Variants in PLA2G4B observed in about 807,000 individuals in gnomAD.
PLA2G4B encodes the protein phospholipase A2 group IVB.
In PLA2G4B, 122 loss-of-function variants were observed where a neutral mutation model predicts 95.8. The observed-to-expected ratio is 1.27, with a 90% confidence interval of 1.10 to 1.48. The LOEUF is 1.48. PLA2G4B is among the 40% of genes most tolerant of loss of function. PLA2G4B has a pLI of 0.00. For missense variants in PLA2G4B, 1,158 were observed against 996.2 expected (o/e 1.16, Z -2.19); for synonymous variants, 518 against 421.5 (o/e 1.23, Z -2.80).
intron 8 of PLA2G4B, 39 bp downstream of exon 8, chr15:41,841,988 C>G: frequency 6.3e-7 from 1 of 1,593,092 alleles, no homozygotes; most frequent in Non-Finnish European, 8.5e-7. Context: ...GCCCCCAGAA[C>G]TTCCTCCCTC....
Position 41,847,822 on chromosome 15 carries a change from C to T in PLA2G4B, c.2308C>T (p.Gln770Ter), listed in dbSNP as rs745555840. The stretch of plus-strand genomic sequence containing the variant: ...GGAGCAGCTGCTGGAGGCTCTGCGC[C>T]AGGCAGTGCAGCGGAGGCGGCAGCG... ...NQEQLLEALR[Q>*]AVQRRRQRRP... The change falls in exon 20 of 20, where the codon CAG becomes TAG. Residue 770 changes from glutamine (Q) to a stop codon, truncating the protein, a stop_gained. Coordinates refer to ENST00000458483, the MANE Select transcript of PLA2G4B (RefSeq NM_001114633.2). LOFTEE classifies it high-confidence loss of function. 1.6e-5 allele frequency: 26 copies of T among 1,613,186 alleles called. No homozygotes were observed. The South Asian group carries it at 2.2e-4, about 14-fold the overall frequency.
chr15:41,841,413 C>T, intron 6 of PLA2G4B, 104 bp from the exon 7 acceptor site: 1 of 1,607,854 alleles, frequency 6.2e-7, no homozygotes, highest in Non-Finnish European at 8.5e-7. Context: ...ATCTCAAGGG[C>T]CCAGGTAATG....
rs150295252 is a variant in PLA2G4B at position 41,841,867 on chromosome 15, C to T, written c.539C>T (p.Pro180Leu). ...GTGGTTCCTGGGTCCTGTGAGGGTC[C>T]GCAGGAGGCCTCTGTGGGCACTGGC... is the stretch of plus-strand genomic sequence containing the variant. ...QLVVPGSCEG[P>L]QEASVGTGTF... The change falls in exon 8 of 20, where the codon CCG becomes CTG. Residue 180 changes from proline to leucine, a missense_variant. Pro to Leu is a moderately conservative substitution (Grantham distance 98). Transcript: ENST00000458483. The T allele has an allele frequency of 4.5e-5, 72 of 1,613,414 alleles. No individual in the cohort carries two copies. The highest frequency in any genetic ancestry group is 1.3e-4 in the East Asian group (6 of 44,854).
intron 16 of PLA2G4B, 58 bp downstream of exon 16, chr15:41,846,105 AG>A: frequency 2.5e-6 from 4 of 1,573,292 alleles, no homozygotes; most frequent in Non-Finnish European, 3.5e-6. Context: ...GGGCTGCACC[AG>A]GGGGCGGGGG....
At chr15:41,846,132 C>T (rs771997315) in intron 16 of PLA2G4B, 71 bp from the exon 17 acceptor site, 1 of 1,584,780 alleles carries the variant, frequency 6.3e-7, no homozygotes, top group Non-Finnish European at 8.6e-7. Flanking sequence ...CACCTCTTCC[C>T]CCTCCAGGGT....
chr15:41,840,404 C>A lies in PLA2G4B; in HGVS notation c.83-120C>A, dbSNP rs1302107403. ...GTGGCAGCTGGGGCTCTGCCTCTGG[C>A]CCCCACTTCCCCTCCCCCTCAGTCT... On this transcript the variant is annotated intron_variant, in intron 2 of 19. Coordinates refer to ENST00000458483, the MANE Select transcript of PLA2G4B (RefSeq NM_001114633.2). 4.4e-6 allele frequency: 7 copies of A among 1,586,260 alleles called. No homozygotes were observed. The East Asian group carries it at 1.1e-4, about 25-fold the overall frequency.
chr15:41,842,106 C>G (rs1567169963), intron 8 of PLA2G4B, 87 bp from the exon 9 acceptor site: 3 of 1,588,798 alleles, frequency 1.9e-6, no homozygotes, highest in East Asian at 2.2e-5. Flanking sequence ...TCCCATAACT[C>G]TATGGCTGCC....
chr15:41,844,856 C>A lies in PLA2G4B; in HGVS notation c.1025C>A (p.Ala342Asp). 6.2e-7 allele frequency: 1 copy of A among 1,603,818 alleles called. No individual in the cohort carries two copies. The highest frequency in any genetic ancestry group is 8.5e-7 in the Non-Finnish European group (1 of 1,175,662). Residue 342 changes from alanine to aspartate, a missense_variant, in exon 13 of 20, where the codon GCC becomes GAC. Coordinates refer to ENST00000458483, the MANE Select transcript of PLA2G4B (RefSeq NM_001114633.2). ...TGASGSTWALANLYEDPEWSQ... is the reference protein window; with the variant it reads ...TGASGSTWALDNLYEDPEWSQ... ...GCTTTGGCTTTTCCCAGGGCCTTGG[C>A]CAACCTTTATGAGGACCCAGAGTGG...
At chr15:41,843,098 T>TTTTTTG (rs1374592804) in intron 10 of PLA2G4B, 1 of 132,582 alleles carries the variant, frequency 7.5e-6, no homozygotes, top group African/African-American at 2.6e-5. Context: ...TTTTTTTTTT[T>TTTTTTG]GAGATGGAGT....
chr15:41,842,474 G>A (rs372026016), intron 9 of PLA2G4B, 80 bp from the exon 10 acceptor site: 224 of 1,572,156 alleles, frequency 1.4e-4, no homozygotes, highest in Non-Finnish European at 1.8e-4. Context: ...CGGGGGTGGT[G>A]CGCCGGGGAT....
Position 41,840,830 on chromosome 15 carries a change from G to A in PLA2G4B, c.276G>A (p.Val92=). 6.2e-7 allele frequency: 1 copy of A among 1,614,128 alleles called. No individual in the cohort carries two copies. The highest frequency in any genetic ancestry group is 8.5e-7 in the Non-Finnish European group (1 of 1,180,004). The stretch of plus-strand genomic sequence containing the variant: ...ACCTGGTGACCGGAGATGACCCTGT[G>A]TTGTCAGTACTGTTTGATGCGGGGA... The part of the protein sequence containing the change: ...DQDLVTGDDP[V]LSVLFDAGTL... Residue 92 remains valine (V), a synonymous_variant, in exon 4 of 20, where the codon GTG becomes GTA. Coordinates refer to ENST00000458483, the MANE Select transcript of PLA2G4B (RefSeq NM_001114633.2).
At chr15:41,842,672 G>C (rs892418664) in intron 10 of PLA2G4B, 81 bp downstream of exon 10, 18 of 1,527,610 alleles carry the variant, frequency 1.2e-5, no homozygotes, top group Non-Finnish European at 1.6e-5. Flanking sequence ...GAGGAGTGAG[G>C]GGGAGAAACA....
In PLA2G4B at chr15:41,844,915, C is replaced by T. The variant is rs972927232; in HGVS notation, c.1084C>T (p.Leu362=). The T allele has an allele frequency of 1.9e-6, 3 of 1,612,250 alleles. No homozygotes were observed. The Admixed American group carries it at 5.0e-5, about 27-fold the overall frequency. ...GGACCTGGCAGGGCCCACTGAGTTG[C>T]TGAAGACCCAGGTGACCAAGAACAA... ...QKDLAGPTEL[L]KTQVTKNKLG... The change falls in exon 13 of 20, where the codon CTG becomes TTG. Residue 362 remains leucine, a synonymous_variant. Coordinates refer to ENST00000458483, the MANE Select transcript of PLA2G4B (RefSeq NM_001114633.2).
rs763215335 is a variant in PLA2G4B at position 41,843,700 on chromosome 15, G to A, written c.768G>A (p.Leu256=). The stretch of plus-strand genomic sequence containing the variant: ...GACTGAGGGAGCTGGCCGTGCGACT[G>A]GGCTTCGGGCCCTGTGCAGAGGAGC... ...EAGLRELAVR[L]GFGPCAEEQA... Residue 256 remains leucine (L), a synonymous_variant, in exon 11 of 20, where the codon CTG becomes CTA. Coordinates refer to ENST00000458483, the MANE Select transcript of PLA2G4B (RefSeq NM_001114633.2). 1.2e-6 allele frequency: 2 copies of A among 1,613,712 alleles called. No homozygotes were observed. The highest frequency in any genetic ancestry group is 2.2e-5 in the South Asian group (2 of 91,046).
In PLA2G4B at chr15:41,842,563, A is replaced by G; in HGVS notation, c.715A>G (p.Met239Val). ...CCTTCACGGTTTTCAGGAGCCCCTG[A>G]TGAGAGTGGAGCTGAAAAAAGAAGC... ...LVFPTSQEPLMRVELKKEAGL... is the reference protein window; with the variant it reads ...LVFPTSQEPLVRVELKKEAGL... The change falls in exon 10 of 20, where the codon ATG becomes GTG. Residue 239 changes from methionine (M) to valine (V), a missense_variant. Met to Val is a conservative substitution (Grantham distance 21). Transcript: ENST00000458483. 1 of 1,609,858 alleles carries G rather than the reference A, an allele frequency of 6.2e-7. No individual in the cohort carries two copies.
intron 6 of PLA2G4B, 28 bp from the exon 7 acceptor site, chr15:41,841,489 T>C: frequency 1.2e-6 from 2 of 1,613,820 alleles, no homozygotes; most frequent in Middle Eastern, 1.7e-4. Flanking sequence ...GTGGGGTTAG[T>C]GTCTGAGGGG....
Position 41,847,424 on chromosome 15 carries a change from C to T in PLA2G4B, c.2035C>T (p.Arg679Trp), listed in dbSNP as rs186646967. 1.1e-4 allele frequency: 172 copies of T among 1,613,448 alleles called. No individual in the cohort carries two copies. Among genetic ancestry groups the T allele is most frequent in the African/African-American group, 7.5e-4 (56 of 75,046 alleles). The change falls in exon 19 of 20, where the codon CGG (arginine) becomes TGG (tryptophan). Residue 679 changes from arginine (R) to tryptophan (W), a missense_variant. Transcript: ENST00000458483. ...CAGCCCCGAAGAGCAGCTCCAGCCTCGGGAGTGCCACACCTTCTCCGACCC... is the reference window on the plus strand; with the variant it reads ...CAGCCCCGAAGAGCAGCTCCAGCCTTGGGAGTGCCACACCTTCTCCGACCC... The part of the protein sequence containing the change: ...SPSPEEQLQP[R>W]ECHTFSDPTC...
intron 4 of PLA2G4B, 33 bp downstream of exon 4, chr15:41,840,938 G>T (rs754888779): frequency 1.2e-6 from 2 of 1,604,174 alleles, no homozygotes; most frequent in Non-Finnish European, 1.7e-6. Flanking sequence ...GCCCTAGCTG[G>T]TGTCTGGGTT....
In PLA2G4B at chr15:41,841,265, G is replaced by C. The variant is rs147786268; in HGVS notation, c.427G>C (p.Val143Leu). The C allele has an allele frequency of 6.2e-7, 1 of 1,612,906 alleles. No homozygotes were observed. The change falls in exon 6 of 20, where the codon GTT (valine) becomes CTT (leucine). Residue 143 changes from valine (V) to leucine (L), a missense_variant. By Grantham distance (32) the Val-to-Leu change is conservative. Transcript: ENST00000458483. Reference protein sequence around the residue: ...DRGEWLVSNGVLVARELSCLH... With the variant: ...DRGEWLVSNGLLVARELSCLH... ...TGGCGAGTGGCTCGTCAGCAATGGC[G>C]TTCTGGTGGTGAGTGTGCCAGTGCT...
Sources: allele counts gnomAD v4.1 joint callset, GRCh38; gene constraint gnomAD v4.1.1; transcripts MANE v1.5; gene names NCBI Gene and HGNC (gene_info 2026-07-23, HGNC 2026-07-21).